OTUD7A: variants seen among roughly 807,000 people sequenced by gnomAD.
The protein encoded by OTUD7A is OTU domain-containing protein 7A.
In OTUD7A, 12 loss-of-function variants were observed where a neutral mutation model predicts 65.7. The observed-to-expected ratio is 0.18, with a 90% CI of 0.12 to 0.30. The LOEUF (loss-of-function observed/expected upper bound fraction) is 0.30, where lower values mean the gene tolerates loss of function less well. OTUD7A is among the 10% of genes least tolerant of loss of function. The pLI, the probability that OTUD7A is intolerant of heterozygous loss-of-function variation, is 1.00. For missense variants in OTUD7A, 1,148 were observed against 1,304.8 expected, an observed-to-expected ratio of 0.88 and a Z score of 1.85; for synonymous variants, 641 against 586.3, an observed-to-expected ratio of 1.09 and a Z score of -1.35.
intron 2 of OTUD7A, 104 bp downstream of exon 2, chr15:31,656,879 C>T (rs1892008976): frequency 6.6e-6 from 1 of 152,504 alleles, no homozygotes; most frequent in Non-Finnish European, 1.5e-5. Flanking sequence ...GCAGGGAGGT[C>T]TGTACCCTCA....
At chr15:31,555,045 A>C (rs1037654809) in intron 5 of OTUD7A, among the ~76,000 whole-genome samples, 3 of 152,136 alleles carry the variant, frequency 2.0e-5, no homozygotes, top group Non-Finnish European at 4.4e-5. Context: ...ACCCCACTTG[A>C]CACAGAGGCC....
chr15:31,583,329 A>G (rs1181107873), intron 3 of OTUD7A, among the ~76,000 whole-genome samples: 2 of 152,208 alleles, frequency 1.3e-5, no homozygotes, highest in Non-Finnish European at 2.9e-5. Flanking sequence ...AGAGGCAGAC[A>G]TGAGATTTGC....
Position 31,617,301 on chromosome 15 carries a change from A to T in OTUD7A, c.151+37795T>A, listed in dbSNP as rs150768420. Among the ~76,000 whole-genome samples the T allele has an allele frequency of 1.4e-4, 21 of 152,256 alleles. No individual in the cohort carries two copies. The East Asian group carries it at 3.9e-3, about 28-fold the overall frequency. ...CAAGAGATTGAGACCATCCTGACCA[A>T]CATGGTGAAACCCCGTCTCTACTAA... On this transcript the variant is annotated intron_variant, in intron 3 of 12. Coordinates refer to ENST00000307050, the MANE Select transcript of OTUD7A (RefSeq NM_001382637.1).
At chr15:31,652,222 C>A (rs145579156) in intron 3 of OTUD7A, among the ~76,000 whole-genome samples, 29 of 152,112 alleles carry the variant, frequency 1.9e-4, no homozygotes, top group Non-Finnish European at 4.0e-4. Context: ...ATTGCAAAGG[C>A]AATTCAATTT....
chr15:31,848,564 C>A (rs1453493472), intron 1 of OTUD7A, among the ~76,000 whole-genome samples: 1 of 152,250 alleles, frequency 6.6e-6, no homozygotes, highest in African/African-American at 2.4e-5. Flanking sequence ...TGCCTCTCTC[C>A]TTTCTTTGCC....
intron 1 of OTUD7A, chr15:31,765,692 T>C: frequency 1.2e-6 from 1 of 857,036 alleles, no homozygotes; most frequent in Non-Finnish European, 1.8e-6. Context: ...CATTCTCAGA[T>C]ATGGCTTCAT....
At chr15:31,861,863 T>TG (rs940399264) in intron 1 of OTUD7A, among the ~76,000 whole-genome samples, 3 of 152,174 alleles carry the variant, frequency 2.0e-5, no homozygotes, top group African/African-American at 7.2e-5. Flanking sequence ...CATCCTTCCT[T>TG]GGGGGGACCA....
At chr15:31,506,751 T>C (rs2041576645) in intron 8 of OTUD7A, among the ~76,000 whole-genome samples, 1 of 152,152 alleles carries the variant, frequency 6.6e-6, no homozygotes. Flanking sequence ...AGAGGCACAG[T>C]GTAAGTTTGG....
chr15:31,506,376 C>T (rs2041568151), intron 8 of OTUD7A, among the ~76,000 whole-genome samples: 1 of 152,006 alleles, frequency 6.6e-6, no homozygotes, highest in Non-Finnish European at 1.5e-5. Flanking sequence ...TAAATTCATA[C>T]TTACCAGAAT....
chr15:31,684,249 T>C (rs1413391557), intron 1 of OTUD7A, among the ~76,000 whole-genome samples: 2 of 151,558 alleles, frequency 1.3e-5, no homozygotes, highest in Non-Finnish European at 2.9e-5. Context: ...TAATAAATAA[T>C]AGGAAAGCGG....
chr15:31,530,905 T>C (rs7176771), intron 5 of OTUD7A, 97 bp from the exon 6 acceptor site: 119,680 of 849,304 alleles, frequency 0.14, 9,570 homozygotes, highest in African/African-American at 0.16. Flanking sequence ...ACAGATTTTC[T>C]ACAGGTTTCA....
intron 1 of OTUD7A, among the ~76,000 whole-genome samples, chr15:31,864,304 C>T (rs900472415): frequency 7.2e-5 from 11 of 152,296 alleles, no homozygotes; most frequent in African/African-American, 2.6e-4. Context: ...TTCAGCAATG[C>T]CCCACTCTAC....
chr15:31,765,475 T>C (rs1313331415), intron 1 of OTUD7A, among the ~76,000 whole-genome samples: 1 of 152,196 alleles, frequency 6.6e-6, no homozygotes, highest in Admixed American at 6.5e-5. Flanking sequence ...TTTTCAAAAT[T>C]CAAGTAAATA....
At chr15:31,753,532 T>C (rs1378402227) in intron 1 of OTUD7A, among the ~76,000 whole-genome samples, 2 of 151,678 alleles carry the variant, frequency 1.3e-5, no homozygotes, top group Non-Finnish European at 2.9e-5. Flanking sequence ...CTCCCACTTA[T>C]GCATGATAAC....
rs1053096146 is a variant in OTUD7A, at chr15:31,479,960, C to G, written c.*3334G>C. On this transcript the variant is annotated 3_prime_UTR_variant, in exon 13 of 13. Transcript: ENST00000307050. Reference sequence around the variant, plus strand: ...AAGGTGCAGTACCAAAATCCATGAACAGAAAAAAGGAAATCAAGCTTTCAA... The same window carrying G: ...AAGGTGCAGTACCAAAATCCATGAAGAGAAAAAAGGAAATCAAGCTTTCAA... The G allele has an allele frequency of 6.6e-6, 1 of 152,054 alleles. No individual in the cohort carries two copies. Among genetic ancestry groups the G allele is most frequent in the Admixed American group, 6.5e-5 (1 of 15,278 alleles). 9.4% of individuals were successfully genotyped at this position (152,054 alleles called of 1,614,324 possible).
chr15:31,739,778 G>A (rs1894290068), intron 1 of OTUD7A, among the ~76,000 whole-genome samples: 1 of 152,088 alleles, frequency 6.6e-6, no homozygotes, highest in Admixed American at 6.5e-5. Flanking sequence ...TGCCATGTTG[G>A]ACAGGCTGGT....
At chr15:31,493,862 A>G (rs542977466) in intron 10 of OTUD7A, among the ~76,000 whole-genome samples, 5 of 152,364 alleles carry the variant, frequency 3.3e-5, no homozygotes, top group African/African-American at 1.2e-4. Flanking sequence ...AGCAGTACTT[A>G]GGGGAAAAGT....
At position 31,644,538 on chromosome 15, in the gene OTUD7A, T is replaced by C. The variant is rs865847158; in HGVS notation, c.151+10558A>G. Among the ~76,000 whole-genome samples, 6 of 152,278 alleles carry C rather than the reference T, an allele frequency of 3.9e-5. No homozygotes were observed. In the South Asian group the frequency reaches 8.3e-4, roughly 21 times the overall value. ...GTTGCCTAGGCTGGAGTCAGCAGTG[T>C]GATCATAGCTCACCATAACCTCGAA... On this transcript the variant is annotated intron_variant, in intron 3 of 12. Transcript: ENST00000307050.
intron 3 of OTUD7A, among the ~76,000 whole-genome samples, chr15:31,638,605 C>G (rs544203974): frequency 6.6e-6 from 1 of 151,578 alleles, no homozygotes; most frequent in Non-Finnish European, 1.5e-5. Flanking sequence ...CCATGCTGCC[C>G]AAGCTGGTCT....
Sources: allele counts gnomAD v4.1 joint callset (sites outside exome capture counted in the v4.1 genomes callset), GRCh38; gene constraint gnomAD v4.1.1; transcripts MANE v1.5; gene names NCBI Gene and HGNC (gene_info 2026-07-23, HGNC 2026-07-21).